Variants in NCMAP observed in about 807,000 individuals in gnomAD.
NCMAP encodes the protein non-compact myelin associated protein.
A neutral mutation model predicts 7.8 loss-of-function variants in NCMAP; 8 were observed. The observed-to-expected ratio is 1.02, with a 90% confidence interval of 0.60 to 1.84. The LOEUF is 1.84. Among genes scored for constraint, NCMAP ranks in the 40% most tolerant of loss-of-function variants. The pLI is 0.00. For synonymous variants in NCMAP, 41 were observed against 52.9 expected, an observed-to-expected ratio of 0.78 and a Z score of 0.98; for missense variants, 112 against 131.4, an observed-to-expected ratio of 0.85 and a Z score of 0.72.
At chr1:24,556,750 G>A (rs1331773354) in intron 1 of NCMAP, among the ~76,000 whole-genome samples, 1 of 152,162 alleles carries the variant, frequency 6.6e-6, no homozygotes, top group East Asian at 1.9e-4. Context: ...AGTCCTCTGG[G>A]TATCCTTGTG....
intron 1 of NCMAP, among the ~76,000 whole-genome samples, chr1:24,566,273 G>A (rs929488243): frequency 1.3e-5 from 2 of 152,132 alleles, no homozygotes; most frequent in African/African-American, 2.4e-5. Flanking sequence ...TGAGCCATGC[G>A]CCTGGCCATT....
Position 24,605,995 on chromosome 1 carries a change from T to C in NCMAP, c.*248T>C. 2.1e-6 allele frequency: 1 copy of C among 484,898 alleles called. No homozygotes were observed. Among genetic ancestry groups the C allele is most frequent in the Non-Finnish European group, 3.7e-6 (1 of 270,662 alleles). 30.0% of individuals were successfully genotyped at this position (484,898 alleles called of 1,614,324 possible). A position where few individuals can be genotyped will look rare whatever the true frequency, so the allele number is the denominator to read the frequency against. On this transcript the variant is annotated 3_prime_UTR_variant, in exon 4 of 4. Coordinates refer to ENST00000374392, the MANE Select transcript of NCMAP (RefSeq NM_001010980.5). The stretch of plus-strand genomic sequence containing the variant: ...AACATTCTTTTGTCATCTGATGAGG[T>C]AGAGCTATGTTGGGAATCCACCAAT...
At chr1:24,588,019 A>G (rs1651943450) in intron 1 of NCMAP, among the ~76,000 whole-genome samples, 1 of 152,140 alleles carries the variant, frequency 6.6e-6, no homozygotes, top group African/African-American at 2.4e-5. Context: ...AGAAACAGAA[A>G]GGAAAACAGC....
intron 1 of NCMAP, among the ~76,000 whole-genome samples, chr1:24,566,956 T>C (rs144745273): frequency 9.1e-4 from 139 of 152,230 alleles, no homozygotes; most frequent in African/African-American, 3.2e-3. Flanking sequence ...TATCCTGGTT[T>C]TTTACTAGAA....
At chr1:24,571,653 TCGG>T (rs1651392869) in intron 1 of NCMAP, among the ~76,000 whole-genome samples, 3 of 150,008 alleles carry the variant, frequency 2.0e-5, no homozygotes, top group African/African-American at 7.6e-5. Flanking sequence ...TGGCACGATC[TCGG>T]CTCACTGCAA....
intron 1 of NCMAP, among the ~76,000 whole-genome samples, chr1:24,587,152 C>A (rs1018807077): frequency 6.6e-6 from 1 of 152,138 alleles, no homozygotes; most frequent in Non-Finnish European, 1.5e-5. Context: ...ACATGTCAGC[C>A]CCCCTCTGGA....
intron 1 of NCMAP, among the ~76,000 whole-genome samples, chr1:24,560,996 C>A (rs1651032482): frequency 6.6e-6 from 1 of 151,886 alleles, no homozygotes; most frequent in Admixed American, 6.6e-5. Flanking sequence ...CTTCCCTGAG[C>A]CTGGGGCGAT....
At chr1:24,596,615 G>A (rs906628923) in intron 2 of NCMAP, among the ~76,000 whole-genome samples, 1 of 151,444 alleles carries the variant, frequency 6.6e-6, no homozygotes, top group Non-Finnish European at 1.5e-5. Flanking sequence ...GAGCCTGGGA[G>A]GTCGAGGCTG....
intron 1 of NCMAP, among the ~76,000 whole-genome samples, chr1:24,556,583 A>T (rs1650902636): frequency 6.6e-6 from 1 of 152,170 alleles, no homozygotes; most frequent in Admixed American, 6.5e-5. Flanking sequence ...GGTCTGCCCT[A>T]TGCAGAGGCC....
intron 2 of NCMAP, among the ~76,000 whole-genome samples, chr1:24,599,601 G>A (rs888429890): frequency 1.3e-5 from 2 of 152,064 alleles, no homozygotes; most frequent in Non-Finnish European, 2.9e-5. Flanking sequence ...TTTTTGAGAA[G>A]GAGTCTTGCT....
intron 2 of NCMAP, among the ~76,000 whole-genome samples, chr1:24,596,046 C>T (rs1401540073): frequency 1.3e-5 from 2 of 152,090 alleles, no homozygotes; most frequent in East Asian, 3.8e-4. Context: ...CTTTGGGAGG[C>T]TGAGGCATGT....
At chr1:24,595,791 T>G (rs1652203793) in intron 2 of NCMAP, among the ~76,000 whole-genome samples, 1 of 119,306 alleles carries the variant, frequency 8.4e-6, no homozygotes, top group African/African-American at 3.3e-5. Context: ...GACTGGACTG[T>G]GTCTTTTTTT....
In NCMAP at chr1:24,592,248, A is replaced by G. The variant is rs138690659; in HGVS notation, c.-7-3176A>G. Among the ~76,000 whole-genome samples, 767 of 152,282 alleles carry G rather than the reference A, an allele frequency of 5.0e-3. 11 individuals carry two copies. Among genetic ancestry groups the G allele is most frequent in the African/African-American group, 0.018 (733 of 41,548 alleles). On this transcript the variant is annotated intron_variant, in intron 1 of 3. Coordinates refer to ENST00000374392, the MANE Select transcript of NCMAP (RefSeq NM_001010980.5). ...CACTACTGGATATTGCAGTGTCGAC[A>G]GGGGGAAATGATTGTTTTTTGAGCC...
intron 3 of NCMAP, among the ~76,000 whole-genome samples, chr1:24,604,181 A>G (rs367859734): frequency 6.6e-6 from 1 of 150,592 alleles, no homozygotes; most frequent in Admixed American, 6.6e-5. Context: ...TAAGTTTCCA[A>G]TGCAGGCTTT....
intron 1 of NCMAP, among the ~76,000 whole-genome samples, chr1:24,569,968 G>A (rs2148927303): frequency 6.7e-6 from 1 of 150,274 alleles, no homozygotes; most frequent in Admixed American, 6.6e-5. Context: ...TTTTTTTTGA[G>A]ACAATTTTTC....
intron 1 of NCMAP, among the ~76,000 whole-genome samples, chr1:24,558,753 G>A (rs1016086116): frequency 6.6e-6 from 1 of 152,156 alleles, no homozygotes; most frequent in Non-Finnish European, 1.5e-5. Flanking sequence ...TGGACGTGAT[G>A]TTCAGGGTCA....
At chr1:24,559,208 C>G (rs1168212458) in intron 1 of NCMAP, among the ~76,000 whole-genome samples, 1 of 152,216 alleles carries the variant, frequency 6.6e-6, no homozygotes, top group African/African-American at 2.4e-5. Context: ...CCTGGACAAC[C>G]TCCAAGCCTT....
intron 1 of NCMAP, among the ~76,000 whole-genome samples, chr1:24,569,640 T>C (rs1358910611): frequency 6.6e-6 from 1 of 150,850 alleles, no homozygotes; most frequent in Non-Finnish European, 1.5e-5. Context: ...GACCTCAGGA[T>C]ACTTAGTCTC....
At position 24,607,735 on chromosome 1, in the gene NCMAP, T is replaced by G. The variant is rs986115045; in HGVS notation, c.*1988T>G. ...CAAAATTTAGCTGGGCATGGTGGCA[T>G]GCACCTGTAATCCCACTACTAGGGA... On this transcript the variant is annotated 3_prime_UTR_variant, in exon 4 of 4. Transcript: ENST00000374392. 8 of 152,272 alleles carry G rather than the reference T, an allele frequency of 5.3e-5. No individual in the cohort carries two copies. Among genetic ancestry groups the G allele is most frequent in the African/African-American group, 1.9e-4 (8 of 41,456 alleles). The allele number at this position is 152,272 out of a possible 1,614,324, so 9.4% of individuals were successfully genotyped here.
Sources: allele counts gnomAD v4.1 joint callset (sites outside exome capture counted in the v4.1 genomes callset), GRCh38; gene constraint gnomAD v4.1.1; transcripts MANE v1.5; gene names NCBI Gene and HGNC (gene_info 2026-07-23, HGNC 2026-07-21).